CCDC6: variants seen among roughly 807,000 people sequenced by gnomAD.
The protein encoded by CCDC6 is coiled-coil domain containing 6, also known as coiled-coil domain-containing protein 6.
In CCDC6, 20 loss-of-function variants were observed where a neutral mutation model predicts 56.6. The ratio of observed to expected loss-of-function variants is 0.35; its 90% confidence interval spans 0.25 to 0.51. CCDC6 has a LOEUF of 0.51. Among genes scored for constraint, CCDC6 ranks in the 20% least tolerant of loss-of-function variants. The pLI is 0.95. For synonymous variants in CCDC6, 241 were observed against 234.4 expected (o/e 1.03, Z -0.26); for missense variants, 367 against 601.1 (o/e 0.61, Z 4.07).
intron 1 of CCDC6, among the ~76,000 whole-genome samples, chr10:59,869,412 A>AAAAAC (rs2071207365): frequency 1.1e-5 from 1 of 92,182 alleles, no homozygotes; most frequent in Non-Finnish European, 2.1e-5. Flanking sequence ...AAAAAAAAAA[A>AAAAAC]AAAAAAACAG....
chr10:59,800,154 C>T (rs1199997906), intron 7 of CCDC6, among the ~76,000 whole-genome samples: 6 of 152,208 alleles, frequency 3.9e-5, no homozygotes, highest in African/African-American at 1.4e-4. Flanking sequence ...TCAGCTTCCC[C>T]TGATTACACC....
intron 2 of CCDC6, among the ~76,000 whole-genome samples, chr10:59,851,304 A>G (rs1192765085): frequency 6.6e-6 from 1 of 152,162 alleles, no homozygotes; most frequent in Admixed American, 6.5e-5. Flanking sequence ...AGGTCAAACT[A>G]ATCTTCTCCA....
At chr10:59,800,230 CACAGACTTTGT>C (rs2070560903) in intron 7 of CCDC6, among the ~76,000 whole-genome samples, 1 of 152,200 alleles carries the variant, frequency 6.6e-6, no homozygotes, top group Non-Finnish European at 1.5e-5. Flanking sequence ...GTAACTAAGG[CACAGACTTTGT>C]GTGGATTTCA....
intron 1 of CCDC6, among the ~76,000 whole-genome samples, chr10:59,866,974 CA>C (rs2071182851): frequency 6.6e-6 from 1 of 152,066 alleles, no homozygotes; most frequent in Non-Finnish European, 1.5e-5. Context: ...TTCAGACTTG[CA>C]AAAAAGCCAC....
intron 1 of CCDC6, among the ~76,000 whole-genome samples, chr10:59,894,172 C>G (rs1258135025): frequency 6.6e-6 from 1 of 152,240 alleles, no homozygotes; most frequent in Non-Finnish European, 1.5e-5. Flanking sequence ...AATGTCTGCA[C>G]TGAGTAGCCA....
rs1303101920 is a variant in CCDC6 at position 59,862,519 on chromosome 10, A to G, written c.304-9817T>C. Among the ~76,000 whole-genome samples the G allele has an allele frequency of 7.8e-5, 6 of 76,988 alleles. 1 individual carries two copies. Among genetic ancestry groups the G allele is most frequent in the Admixed American group, 7.3e-4 (6 of 8,270 alleles). The allele number at this position is 76,988 out of a possible 152,430, so 50.5% of individuals were successfully genotyped here. On this transcript the variant is annotated intron_variant, in intron 1 of 8. Transcript: ENST00000263102. ...AAAAAAAGTATATATATATATATAC[A>G]CACACACACACACACACACACACAC...
intron 2 of CCDC6, among the ~76,000 whole-genome samples, chr10:59,849,552 C>A (rs1378472480): frequency 6.6e-6 from 1 of 152,200 alleles, no homozygotes; most frequent in Non-Finnish European, 1.5e-5. Flanking sequence ...CAAAAAATCC[C>A]TTTGAAATGC....
rs2070455504 is a variant in CCDC6 at position 59,790,181 on chromosome 10, G to C, written c.*2736C>G. ...AATTTGGTTTTGTATAAAAGGCATG[G>C]TAATCTGGCAACAGAGTACTTATCC... On this transcript the variant is annotated 3_prime_UTR_variant, in exon 9 of 9. Transcript: ENST00000263102. 2 of 216,272 alleles carry C rather than the reference G, an allele frequency of 9.2e-6. No individual in the cohort carries two copies. Among genetic ancestry groups the C allele is most frequent in the Non-Finnish European group, 1.9e-5 (2 of 107,172 alleles). The allele number at this position is 216,272 out of a possible 1,614,324, so 13.4% of individuals were successfully genotyped here. A position where few individuals can be genotyped will look rare whatever the true frequency, so the allele number is the denominator to read the frequency against.
At position 59,862,556 on chromosome 10, in the gene CCDC6, CATATATAT is replaced by C. The variant is rs55913492; in HGVS notation, c.304-9862_304-9855del. Among the ~76,000 whole-genome samples the C allele has an allele frequency of 1.8e-3, 194 of 105,564 alleles. 11 individuals carry two copies. The highest frequency in any genetic ancestry group is 9.9e-3 in the South Asian group (30 of 3,040). The allele number at this position is 105,564 out of a possible 152,430, so 69.3% of individuals were successfully genotyped here. ...ACACACACACACACACACACACACA[CATATATAT>C]ACACATACACACACACACACATATA... is the stretch of plus-strand genomic sequence containing the variant. On this transcript the variant is annotated intron_variant, in intron 1 of 8. Transcript: ENST00000263102.
chr10:59,906,113 G>T lies in CCDC6; in HGVS notation c.303+9C>A. On this transcript the variant is annotated intron_variant, in intron 1 of 8. Transcript: ENST00000263102. Reference sequence around the variant, plus strand: ...TCGGCGCTGCGGCGCGTCCCCGGGGGGCACTCACGATGGTCACGCTGGCTT... The same window carrying T: ...TCGGCGCTGCGGCGCGTCCCCGGGGTGCACTCACGATGGTCACGCTGGCTT... 1.3e-6 allele frequency: 2 copies of T among 1,578,666 alleles called. No homozygotes were observed. The highest frequency in any genetic ancestry group is 1.7e-6 in the Non-Finnish European group (2 of 1,159,584).
At chr10:59,864,676 G>A (rs2071162265) in intron 1 of CCDC6, among the ~76,000 whole-genome samples, 1 of 152,102 alleles carries the variant, frequency 6.6e-6, no homozygotes, top group South Asian at 2.1e-4. Flanking sequence ...TGGGTTAATG[G>A]GTGGTTTCTT....
At chr10:59,889,682 A>G (rs908503321) in intron 1 of CCDC6, among the ~76,000 whole-genome samples, 1 of 152,182 alleles carries the variant, frequency 6.6e-6, no homozygotes, top group East Asian at 1.9e-4. Flanking sequence ...GATTCAGCCA[A>G]TAAGAGGCAC....
intron 2 of CCDC6, among the ~76,000 whole-genome samples, chr10:59,840,652 T>G (rs1052700326): frequency 1.3e-5 from 2 of 152,228 alleles, no homozygotes; most frequent in Admixed American, 6.5e-5. Context: ...ACATTGCAAT[T>G]GAACTTCTGA....
chr10:59,838,360 A>C (rs7090532), intron 2 of CCDC6, among the ~76,000 whole-genome samples: 18,304 of 152,084 alleles, frequency 0.12, 2,487 homozygotes, highest in African/African-American at 0.33. Flanking sequence ...ACTGTAGATC[A>C]TCCTAGCACA....
In CCDC6 at chr10:59,792,674, G is replaced by C. The variant is rs189447517; in HGVS notation, c.*243C>G. The C allele has an allele frequency of 1.7e-5, 13 of 746,704 alleles. No individual in the cohort carries two copies. The African/African-American group carries it at 2.0e-4, about 12-fold the overall frequency. 46.3% of individuals were successfully genotyped at this position (746,704 alleles called of 1,614,324 possible). A position where few individuals can be genotyped will look rare whatever the true frequency, so the allele number is the denominator to read the frequency against. On this transcript the variant is annotated 3_prime_UTR_variant, in exon 9 of 9. Coordinates refer to ENST00000263102, the MANE Select transcript of CCDC6 (RefSeq NM_005436.5). ...TACCAAACAGCGAAGGTTCCAGCCA[G>C]GGAATGGACGTACATGAAGATTCAA...
intron 1 of CCDC6, among the ~76,000 whole-genome samples, chr10:59,861,313 C>T (rs918817225): frequency 3.3e-5 from 5 of 151,828 alleles, no homozygotes; most frequent in African/African-American, 4.8e-5. Flanking sequence ...GAGCCTTGAT[C>T]GTGCCACTGC....
chr10:59,834,150 C>A (rs535034735), intron 2 of CCDC6, among the ~76,000 whole-genome samples: 6 of 152,202 alleles, frequency 3.9e-5, no homozygotes, highest in African/African-American at 1.4e-4. Context: ...TGAGGCAAGC[C>A]TGATCATCCT....
chr10:59,873,683 G>A (rs2071252258), intron 1 of CCDC6, among the ~76,000 whole-genome samples: 1 of 152,084 alleles, frequency 6.6e-6, no homozygotes, highest in Non-Finnish European at 1.5e-5. Context: ...AGACTGTGGA[G>A]CTATATTTTA....
At chr10:59,811,219 T>A (rs1221351756) in intron 5 of CCDC6, among the ~76,000 whole-genome samples, 1 of 152,174 alleles carries the variant, frequency 6.6e-6, no homozygotes, top group African/African-American at 2.4e-5. Flanking sequence ...CTACACCATA[T>A]TTCTCAAAGG....
Sources: gnomAD v4.1 joint callset for allele counts (sites outside exome capture counted in the v4.1 genomes callset) on GRCh38, gnomAD v4.1.1 for gene constraint, MANE v1.5 for transcripts, NCBI Gene and HGNC (gene_info 2026-07-23, HGNC 2026-07-21) for gene names.